The following TTC29 variants were observed in gnomAD, a reference collection of about 807,000 sequenced individuals.
TTC29 encodes the protein tetratricopeptide repeat protein 29.
TTC29 carries 49 observed loss-of-function variants against 58.1 expected under a neutral mutation model. The ratio of observed to expected loss-of-function variants is 0.84; its 90% CI spans 0.67 to 1.07. The LOEUF (loss-of-function observed/expected upper bound fraction) is 1.07. Ranked by LOEUF, TTC29 falls within the 50% of genes least tolerant of loss-of-function variation. The pLI is 0.00. For synonymous variants in TTC29, 209 were observed against 196.8 expected (o/e 1.06, Z -0.52); for missense variants, 582 against 555.6 (o/e 1.05, Z -0.48).
intron 8 of TTC29, among the ~76,000 whole-genome samples, chr4:146,854,494 A>G (rs1406580981): frequency 2.6e-5 from 4 of 152,196 alleles, no homozygotes; most frequent in African/African-American, 9.7e-5. Context: ...AGAGCAGGGC[A>G]CACTTTTATC....
chr4:146,751,075 G>A (rs183610163), intron 11 of TTC29, among the ~76,000 whole-genome samples: 3 of 152,230 alleles, frequency 2.0e-5, no homozygotes, highest in Admixed American at 2.0e-4. Flanking sequence ...ACTTATATTG[G>A]ATAAGATAGA....
chr4:146,862,152 A>C (rs67397718), intron 8 of TTC29, among the ~76,000 whole-genome samples: 1 of 151,942 alleles, frequency 6.6e-6, no homozygotes, highest in Non-Finnish European at 1.5e-5. Flanking sequence ...TCGAAAGAAA[A>C]CTTTAAAAAA....
chr4:146,735,703 T>C (rs1342272944), intron 11 of TTC29, among the ~76,000 whole-genome samples: 1 of 152,190 alleles, frequency 6.6e-6, no homozygotes, highest in Admixed American at 6.5e-5. Flanking sequence ...TGAATGTGCC[T>C]GTTACCCAGG....
chr4:146,828,009 T>TC (rs1256987093), intron 9 of TTC29, among the ~76,000 whole-genome samples: 1 of 152,066 alleles, frequency 6.6e-6, no homozygotes, highest in Non-Finnish European at 1.5e-5. Flanking sequence ...TCAAATACAT[T>TC]TTTTTTCCTC....
chr4:146,746,688 G>C (rs758158614), intron 11 of TTC29, among the ~76,000 whole-genome samples: 16 of 152,128 alleles, frequency 1.1e-4, no homozygotes, highest in Admixed American at 2.6e-4. Context: ...AGTGTGTTTA[G>C]AGAAATGTTG....
intron 9 of TTC29, among the ~76,000 whole-genome samples, chr4:146,830,150 A>G (rs1476364902): frequency 1.3e-5 from 2 of 152,124 alleles, no homozygotes; most frequent in Admixed American, 6.6e-5. Context: ...TCTTTTCTTC[A>G]CTATTATTCC....
chr4:146,806,434 T>A (rs1448386469), intron 10 of TTC29, among the ~76,000 whole-genome samples: 2 of 152,262 alleles, frequency 1.3e-5, no homozygotes, highest in East Asian at 1.9e-4. Flanking sequence ...AAACACAGAC[T>A]GGCAAATTTG....
At chr4:146,815,132 C>T (rs1277362121) in intron 10 of TTC29, among the ~76,000 whole-genome samples, 1 of 152,074 alleles carries the variant, frequency 6.6e-6, no homozygotes, top group African/African-American at 2.4e-5. Context: ...TTACTTTGGC[C>T]TCTTTCTGCT....
chr4:146,908,942 C>T (rs1003166708), intron 5 of TTC29, 84 bp downstream of exon 5: 40 of 1,164,248 alleles, frequency 3.4e-5, no homozygotes, highest in Admixed American at 1.2e-4. Context: ...GTTTCAAATT[C>T]ATACATGAAA....
At chr4:146,783,511 G>A (rs1431913222) in intron 11 of TTC29, among the ~76,000 whole-genome samples, 1 of 152,024 alleles carries the variant, frequency 6.6e-6, no homozygotes, top group Non-Finnish European at 1.5e-5. Context: ...ATTCATCATA[G>A]GGAAATGTTT....
At chr4:146,806,127 C>T (rs1750599902) in intron 10 of TTC29, among the ~76,000 whole-genome samples, 1 of 152,120 alleles carries the variant, frequency 6.6e-6, no homozygotes, top group Non-Finnish European at 1.5e-5. Context: ...TCATATCCAG[C>T]CAAACTAAGC....
intron 9 of TTC29, among the ~76,000 whole-genome samples, chr4:146,822,604 C>A (rs1751926972): frequency 6.6e-6 from 1 of 152,098 alleles, no homozygotes; most frequent in Non-Finnish European, 1.5e-5. Context: ...TTTTCTGGAT[C>A]CTTTGGGTAT....
At chr4:146,926,933 G>GA (rs148410149) in intron 4 of TTC29, among the ~76,000 whole-genome samples, 92 of 151,624 alleles carry the variant, frequency 6.1e-4, no homozygotes, top group Non-Finnish European at 6.2e-4. Flanking sequence ...CCCACATTAA[G>GA]AAAAAATACA....
intron 11 of TTC29, among the ~76,000 whole-genome samples, chr4:146,718,403 C>T (rs1231175962): frequency 1.3e-5 from 2 of 152,134 alleles, no homozygotes; most frequent in Non-Finnish European, 2.9e-5. Flanking sequence ...TTGGTAACAG[C>T]CGTTCTAACA....
chr4:146,721,278 G>A (rs1245559003), intron 11 of TTC29, among the ~76,000 whole-genome samples: 8 of 152,114 alleles, frequency 5.3e-5, no homozygotes, highest in Admixed American at 5.2e-4. Context: ...AAAAGTCACA[G>A]AAAAGCAGAG....
chr4:146,892,620 G>A (rs1732455471), intron 6 of TTC29, among the ~76,000 whole-genome samples: 1 of 152,154 alleles, frequency 6.6e-6, no homozygotes, highest in South Asian at 2.1e-4. Flanking sequence ...TTGAAAACTG[G>A]TACAAGATAG....
intron 9 of TTC29, among the ~76,000 whole-genome samples, chr4:146,830,221 C>T (rs537135726): frequency 6.6e-6 from 1 of 152,240 alleles, no homozygotes; most frequent in African/African-American, 2.4e-5. Context: ...AAAGTCTTAA[C>T]CAATTAATAT....
chr4:146,724,117 C>G (rs1187419917), intron 11 of TTC29, among the ~76,000 whole-genome samples: 1 of 152,158 alleles, frequency 6.6e-6, no homozygotes. Context: ...TGAATTAATG[C>G]AGGAACAGAA....
intron 11 of TTC29, among the ~76,000 whole-genome samples, chr4:146,723,178 C>T (rs1377045117): frequency 6.6e-6 from 1 of 151,510 alleles, no homozygotes; most frequent in African/African-American, 2.4e-5. Flanking sequence ...AACTGGGAGG[C>T]GGAGGTTGCA....
Sources: gnomAD v4.1 joint callset for allele counts (sites outside exome capture counted in the v4.1 genomes callset) on GRCh38, gnomAD v4.1.1 for gene constraint, MANE v1.5 for transcripts, NCBI Gene and HGNC (gene_info 2026-07-23, HGNC 2026-07-21) for gene names.